Variants in TSC2 observed in about 807,000 individuals in gnomAD.
TSC2 encodes the protein TSC complex subunit 2, also known as tuberin.
Under a neutral mutation model 202.2 loss-of-function variants are expected in TSC2, and 29 were observed. The ratio of observed to expected loss-of-function variants is 0.14; its 90% CI spans 0.11 to 0.20. The LOEUF is 0.20. Ranked by LOEUF, TSC2 falls within the 10% of genes least tolerant of loss-of-function variation. The pLI, the probability that TSC2 is intolerant of heterozygous loss-of-function variation, is 1.00. For missense variants in TSC2, 2,429 were observed against 2,420.0 expected (o/e 1.00, Z -0.08); for synonymous variants, 1,349 against 1,044.0 (o/e 1.29, Z -5.63).
At chr16:2,058,722 C>T (rs1291986392) in intron 9 of TSC2, 25 bp from the exon 10 acceptor site, 3 of 1,566,376 alleles carry the variant, frequency 1.9e-6, no homozygotes, top group Admixed American at 1.9e-5. Flanking sequence ...TGCTCACATT[C>T]CGTCTCTCTG....
At chr16:2,069,768 C>G (rs935006249) in intron 16 of TSC2, among the ~76,000 whole-genome samples, 1 of 152,184 alleles carries the variant, frequency 6.6e-6, no homozygotes, top group Non-Finnish European at 1.5e-5. Flanking sequence ...GCGTGAGCCA[C>G]TGTGCCCGGC....
rs568867686 is a variant in TSC2, at chr16:2,088,939, G to GTCTT, written c.*331_*334dup. 6.5e-4 allele frequency: 243 copies of GTCTT among 373,964 alleles called. 1 individual carries two copies. The highest frequency in any genetic ancestry group is 4.4e-3 in the African/African-American group (210 of 48,116). 23.2% of individuals were successfully genotyped at this position (373,964 alleles called of 1,614,324 possible). On this transcript the variant is annotated 3_prime_UTR_variant, in exon 42 of 42. Transcript: ENST00000219476. ...CCCTGGGAGCCAGCCCCCAGGAGGA[G>GTCTT]TCTTTTCCTCTAACCACCCTGGGGT...
At chr16:2,050,333 G>A in intron 2 of TSC2, 67 bp from the exon 3 acceptor site, 1 of 1,434,596 alleles carries the variant, frequency 7.0e-7, no homozygotes, top group Non-Finnish European at 9.8e-7. Context: ...TAGGTGGTTT[G>A]TGACTTGCAG....
At chr16:2,086,126 C>G in intron 36 of TSC2, 67 bp from the exon 37 acceptor site, 1 of 1,598,094 alleles carries the variant, frequency 6.3e-7, no homozygotes, top group Non-Finnish European at 8.5e-7. Context: ...GCTGGGCACC[C>G]CCACCCTCTG....
chr16:2,080,505 A>C, intron 30 of TSC2, 128 bp downstream of exon 30: 1 of 1,125,648 alleles, frequency 8.9e-7, no homozygotes, highest in Non-Finnish European at 1.2e-6. Flanking sequence ...TTTTTTTGAG[A>C]CAGAGTCTTG....
chr16:2,083,386 GC>G, intron 32 of TSC2: 1 of 526,356 alleles, frequency 1.9e-6, no homozygotes, highest in Non-Finnish European at 3.6e-6. Context: ...GGCCCGTCGG[GC>G]GGAGAGCGTC....
rs543752709 is a variant in TSC2 at position 2,048,023 on chromosome 16, T to A, written c.-72T>A. The stretch of plus-strand genomic sequence containing the variant: ...TCCCGGGGCCAGGGGGGTGCGCCTT[T>A]CTCCGCGTCGGGGCGGCCCGGAGCG... On this transcript the variant is annotated 5_prime_UTR_variant, in exon 1 of 42. Transcript: ENST00000219476. 211 of 1,449,242 alleles carry A rather than the reference T, an allele frequency of 1.5e-4. No individual in the cohort carries two copies. The African/African-American group carries it at 2.9e-3, about 20-fold the overall frequency. 89.8% of individuals were successfully genotyped at this position (1,449,242 alleles called of 1,614,324 possible).
At chr16:2,085,113 AGGCTTGCAG>A in intron 35 of TSC2, 87 bp downstream of exon 35, 1 of 1,602,198 alleles carries the variant, frequency 6.2e-7, no homozygotes, top group Non-Finnish European at 8.5e-7. Flanking sequence ...CTGGGAGCTC[AGGCTTGCAG>A]AGGGCTCTGG....
At chr16:2,069,760 G>A (rs557492825) in intron 16 of TSC2, among the ~76,000 whole-genome samples, 7 of 152,234 alleles carry the variant, frequency 4.6e-5, no homozygotes, top group Non-Finnish European at 5.9e-5. Context: ...GATTACAGGC[G>A]TGAGCCACTG....
rs986606985 is a variant in TSC2, at chr16:2,079,849, T to C, written c.3397+180T>C. The stretch of plus-strand genomic sequence containing the variant: ...ACCCCAGAGCCGTGGAGTGGTGGAG[T>C]GTGGCCCGCTTGCTGCAGAGGGGCC... On this transcript the variant is annotated intron_variant, in intron 29 of 41. Coordinates refer to ENST00000219476, the MANE Select transcript of TSC2 (RefSeq NM_000548.5). This position sits in a 1 kb window ranked among gnomAD's most constrained non-coding sequence, Gnocchi z 4.6. Among the ~76,000 whole-genome samples the C allele has an allele frequency of 6.6e-6, 1 of 151,778 alleles. No individual in the cohort carries two copies. The highest frequency in any genetic ancestry group is 2.4e-5 in the African/African-American group (1 of 41,284).
chr16:2,074,411 G>A (rs372755942), intron 22 of TSC2, 22 bp downstream of exon 22: 106 of 1,606,370 alleles, frequency 6.6e-5, no homozygotes, highest in Middle Eastern at 1.7e-4. Context: ...CCCTGCCTGC[G>A]CATGCACCCG....
At chr16:2,086,155 G>A (rs764461530) in intron 36 of TSC2, 38 bp from the exon 37 acceptor site, 24 of 1,611,068 alleles carry the variant, frequency 1.5e-5, no homozygotes, top group Admixed American at 3.3e-5. Context: ...GGCCCGGCCC[G>A]GGAGTGATGC....
In TSC2 at chr16:2,083,765, G is replaced by A. The variant is rs1165479631; in HGVS notation, c.3954G>A (p.Glu1318=). 1.2e-6 allele frequency: 2 copies of A among 1,610,754 alleles called. No homozygotes were observed. The highest frequency in any genetic ancestry group is 2.2e-5 in the South Asian group (2 of 90,398). The change falls in exon 33 of 42, where the codon GAG becomes GAA. Residue 1318 remains glutamate, a synonymous_variant. Coordinates refer to ENST00000219476, the MANE Select transcript of TSC2 (RefSeq NM_000548.5). ...VPVLVEPPGL[E]DVEAALGMDR... is the part of the protein sequence containing the mutation. ...TGCTGGTGGAGCCCCCAGGGTTGGA[G>A]GACGTTGAGGCAGCGCTAGGCATGG... is the stretch of plus-strand genomic sequence containing the variant.
At position 2,077,723 on chromosome 16, in the gene TSC2, G is replaced by C. The variant is rs397515306; in HGVS notation, c.2963G>C (p.Arg988Pro). The change falls in exon 26 of 42, where the codon CGC becomes CCC. Residue 988 changes from arginine to proline, a missense_variant. Transcript: ENST00000219476. ...RSISVSEHVV[R>P]SRIQTSLTSA... ...ATCAGTGTGTCTGAACATGTGGTCC[G>C]CAGGTAGCGGGACTGTCGGGTGGGG... The C allele has an allele frequency of 2.9e-5, 46 of 1,612,402 alleles. No individual in the cohort carries two copies. The highest frequency in any genetic ancestry group is 3.3e-5 in the Admixed American group (2 of 60,006).
At chr16:2,075,690 TCTCTC>T (rs1194334046) in intron 22 of TSC2, 104 bp from the exon 23 acceptor site, 44 of 1,217,288 alleles carry the variant, frequency 3.6e-5, no homozygotes, top group Admixed American at 5.7e-5. Context: ...GCCGTGGCCT[TCTCTC>T]CTCTGCAGCA....
At chr16:2,069,268 G>A (rs1489194835) in intron 16 of TSC2, among the ~76,000 whole-genome samples, 2 of 152,178 alleles carry the variant, frequency 1.3e-5, no homozygotes, top group East Asian at 3.9e-4. Context: ...AGGAAGGGAT[G>A]TTGCTTTTAT....
intron 39 of TSC2, 45 bp downstream of exon 39, chr16:2,087,986 G>A (rs2151616866): frequency 6.2e-7 from 1 of 1,612,686 alleles, no homozygotes; most frequent in Admixed American, 1.7e-5. Flanking sequence ...GTAGGGCCGG[G>A]TGGGGCCCTG....
intron 30 of TSC2, chr16:2,080,690 T>TGCCC: frequency 2.8e-6 from 1 of 360,174 alleles, no homozygotes; most frequent in South Asian, 2.6e-5. Flanking sequence ...TTCACTGTGT[T>TGCCC]AGCCAGGATG....
intron 6 of TSC2, 33 bp from the exon 7 acceptor site, chr16:2,056,163 T>C: frequency 6.2e-7 from 1 of 1,613,048 alleles, no homozygotes. Context: ...ATCCAGGCAG[T>C]GCTGCCGGGA....
Sources: allele counts gnomAD v4.1 joint callset (sites outside exome capture counted in the v4.1 genomes callset), GRCh38; gene constraint gnomAD v4.1.1; non-coding constraint Gnocchi (gnomAD v3.1); transcripts MANE v1.5; gene names NCBI Gene and HGNC (gene_info 2026-07-23, HGNC 2026-07-21).